The following USP9Y variants were observed in gnomAD, a reference collection of about 807,000 sequenced individuals.
USP9Y encodes ubiquitin specific peptidase 9 Y-linked.
Under a neutral mutation model 53.1 loss-of-function variants are expected in USP9Y, and 41 were observed. That is an observed-to-expected ratio of 0.77 (90% CI 0.60 to 1.00). The LOEUF is 1.00. USP9Y is among the 50% of genes least tolerant of loss of function. The probability of loss-of-function intolerance (pLI) is 0.00; values close to 1 mark genes in which losing one functional copy is unlikely to be tolerated. For missense variants in USP9Y, 567 were observed against 535.8 expected (o/e 1.06, Z -0.58); for synonymous variants, 220 against 173.7 (o/e 1.27, Z -2.09).
intron 27 of USP9Y, 74 bp from the exon 28 acceptor site, chrY:12,810,105 C>A: frequency 3.3e-6 from 1 of 303,827 alleles, no homozygotes; most frequent in Non-Finnish European, 5.0e-6. Flanking sequence ...GATGTATATA[C>A]CTCCTATTAA....
intron 22 of USP9Y, among the ~76,000 whole-genome samples, chrY:12,779,937 A>T (rs745976161): frequency 3.0e-5 from 1 of 33,802 alleles, no homozygotes; most frequent in Non-Finnish European, 7.4e-5. Flanking sequence ...TACCTCATCC[A>T]TCTATCAAAG....
At chrY:12,840,707 C>G in intron 36 of USP9Y, 93 bp downstream of exon 36, 1 of 243,215 alleles carries the variant, frequency 4.1e-6, no homozygotes, top group Non-Finnish European at 6.2e-6. Flanking sequence ...TCACCTTTTT[C>G]TTCAGTTTTC....
intron 33 of USP9Y, among the ~76,000 whole-genome samples, chrY:12,822,926 C>T: frequency 3.0e-5 from 1 of 32,856 alleles, no homozygotes; most frequent in Non-Finnish European, 7.5e-5. Flanking sequence ...AGTGCAGTAA[C>T]GTGATCTCAG....
chrY:12,749,972 T>C (rs2053463042), intron 12 of USP9Y, among the ~76,000 whole-genome samples: 1 of 33,878 alleles, frequency 3.0e-5, no homozygotes, highest in African/African-American at 1.2e-4. Context: ...ATTCAGTTTG[T>C]ATTGTACTAC....
intron 27 of USP9Y, among the ~76,000 whole-genome samples, chrY:12,804,087 C>G: frequency 1.2e-4 from 4 of 33,466 alleles, no homozygotes; most frequent in Admixed American, 1.1e-3. Context: ...AGGCAGATGC[C>G]TCAGGTAAGA....
chrY:12,799,862 G>A, intron 27 of USP9Y, among the ~76,000 whole-genome samples: 4 of 33,887 alleles, frequency 1.2e-4, no homozygotes, highest in Admixed American at 2.6e-4. Flanking sequence ...ATAAACTCAG[G>A]CATTTGAATC....
intron 1 of USP9Y, among the ~76,000 whole-genome samples, chrY:12,703,844 G>A: frequency 3.0e-5 from 1 of 33,297 alleles, no homozygotes; most frequent in Non-Finnish European, 7.4e-5. Context: ...GATACAGAGC[G>A]CTGATTGGTG....
chrY:12,793,778 GTTAGC>G (rs2053510829), intron 27 of USP9Y, among the ~76,000 whole-genome samples: 2 of 33,198 alleles, frequency 6.0e-5, no homozygotes, highest in African/African-American at 2.3e-4. Flanking sequence ...TGTCTAGTTT[GTTAGC>G]TTAGCATAAT....
chrY:12,772,905 T>C, intron 16 of USP9Y, among the ~76,000 whole-genome samples: 1 of 33,179 alleles, frequency 3.0e-5, no homozygotes, highest in Non-Finnish European at 7.4e-5. Context: ...TAAAATAAAC[T>C]TATTTTTCCT....
intron 38 of USP9Y, 126 bp downstream of exon 38, chrY:12,842,591 C>T (rs2053563050): frequency 1.4e-4 from 23 of 166,695 alleles, no homozygotes; most frequent in Admixed American, 3.7e-4. Context: ...CAAATTCATA[C>T]GTATGTTATG....
chrY:12,725,043 A>AT (rs2053440018), intron 5 of USP9Y, 70 bp from the exon 6 acceptor site: 1 of 249,995 alleles, frequency 4.0e-6, no homozygotes, highest in Non-Finnish European at 6.6e-6. Context: ...GTTTCTAGCA[A>AT]TTTACTATGT....
intron 22 of USP9Y, among the ~76,000 whole-genome samples, chrY:12,784,853 T>C: frequency 9.0e-5 from 3 of 33,402 alleles, no homozygotes; most frequent in Non-Finnish European, 2.2e-4. Context: ...CATTCTCTTA[T>C]ATAACCACAG....
At chrY:12,776,273 C>T in intron 18 of USP9Y, among the ~76,000 whole-genome samples, 1 of 30,765 alleles carries the variant, frequency 3.3e-5, no homozygotes, top group Admixed American at 3.0e-4. Context: ...TTCCGAGTAG[C>T]TGGGATTACA....
chrY:12,814,313 G>T (rs2053534143), intron 31 of USP9Y, among the ~76,000 whole-genome samples: 1 of 28,814 alleles, frequency 3.5e-5, no homozygotes, highest in Non-Finnish European at 8.3e-5. Flanking sequence ...CGGATCACGA[G>T]GTCAGGAGAT....
chrY:12,829,857 T>A, intron 33 of USP9Y, among the ~76,000 whole-genome samples: 2 of 33,141 alleles, frequency 6.0e-5, no homozygotes, highest in Non-Finnish European at 1.5e-4. Flanking sequence ...ACACCCCTGT[T>A]TTTTTCTGGT....
chrY:12,812,857 G>T lies in USP9Y; in HGVS notation c.4414G>T (p.Ala1472Ser), dbSNP rs1034862699. 1 of 393,727 alleles carries T rather than the reference G, an allele frequency of 2.5e-6. No homozygotes were observed. Among genetic ancestry groups the T allele is most frequent in the African/African-American group, 6.4e-5 (1 of 15,506 alleles). Reference protein sequence around the residue: ...KELIDDFIFPASKVYLQYLRS... With the variant: ...KELIDDFIFPSSKVYLQYLRS... ...ATTAATTGATGATTTCATCTTTCCC[G>T]CATCCAAAGTTTACCTGCAGTATTT... Residue 1472 changes from alanine to serine, a missense_variant, in exon 31 of 46, where the codon GCA becomes TCA. Physicochemically the swap from Ala to Ser is moderately conservative, Grantham distance 99. Transcript: ENST00000338981.
chrY:12,713,614 T>A, intron 3 of USP9Y, among the ~76,000 whole-genome samples: 3 of 32,574 alleles, frequency 9.2e-5, no homozygotes, highest in African/African-American at 3.6e-4. Context: ...TCAACACTTA[T>A]AGATATTTTA....
At chrY:12,789,248 C>T (rs2053505045) in intron 24 of USP9Y, among the ~76,000 whole-genome samples, 3 of 33,541 alleles carry the variant, frequency 8.9e-5, no homozygotes, top group Non-Finnish European at 2.2e-4. Context: ...TCAGTCTTAA[C>T]GCTTTGACCG....
chrY:12,859,354 C>T lies in USP9Y; in HGVS notation c.7606C>T (p.Arg2536Ter). ...HLNNPQKTGQ[R>*]TQENYEGNEE... ...GAACAACCCTCAGAAAACAGGCCAA[C>T]GAACACAAGAAAATTATGAAGGCAA... is the stretch of plus-strand genomic sequence containing the variant. Residue 2536 changes from arginine (R) to a stop codon, truncating the protein, a stop_gained, in exon 46 of 46, where the codon CGA becomes TGA. Transcript: ENST00000338981. LOFTEE classifies it high-confidence loss of function. 2.0e-5 allele frequency: 8 copies of T among 397,943 alleles called. No homozygotes were observed. The highest frequency in any genetic ancestry group is 9.3e-5 in the East Asian group (1 of 10,801).
Sources: gnomAD v4.1 joint callset for allele counts (sites outside exome capture counted in the v4.1 genomes callset) on GRCh38, gnomAD v4.1.1 for gene constraint, MANE v1.5 for transcripts, NCBI Gene and HGNC (gene_info 2026-07-23, HGNC 2026-07-21) for gene names.